FNBP1: variants seen among roughly 807,000 people sequenced by gnomAD.
FNBP1 encodes the protein formin-binding protein 1.
Under a neutral mutation model 90.6 loss-of-function variants are expected in FNBP1, and 26 were observed. The ratio of observed to expected loss-of-function variants is 0.29; its 90% CI spans 0.21 to 0.40. The LOEUF is 0.40. Among genes scored for constraint, FNBP1 ranks in the 10% least tolerant of loss-of-function variants. The pLI is 1.00. For synonymous variants in FNBP1, 260 were observed against 265.2 expected, an observed-to-expected ratio of 0.98 and a Z score of 0.19; for missense variants, 635 against 768.0, an observed-to-expected ratio of 0.83 and a Z score of 2.05.
intron 1 of FNBP1, among the ~76,000 whole-genome samples, chr9:129,997,478 A>G (rs1037800950): frequency 1.6e-4 from 25 of 152,244 alleles, no homozygotes; most frequent in Non-Finnish European, 2.6e-4. Context: ...AGATTATGTT[A>G]TTTATAAAGT....
chr9:130,042,855 G>T lies in FNBP1; in HGVS notation c.24+97C>A. 2 of 863,184 alleles carry T rather than the reference G, an allele frequency of 2.3e-6. No homozygotes were observed. The highest frequency in any genetic ancestry group is 3.0e-6 in the Non-Finnish European group (2 of 655,804). 53.5% of individuals were successfully genotyped at this position (863,184 alleles called of 1,614,324 possible). On this transcript the variant is annotated intron_variant, in intron 1 of 16. Transcript: ENST00000446176. This position sits in a 1 kb window ranked among gnomAD's most constrained non-coding sequence, Gnocchi z 5.5. ...CGAGGACCCCGACCAGCGCGCCCTC[G>T]CCTCCGCCCAGCAGCGCGGCCCGCG...
intron 1 of FNBP1, among the ~76,000 whole-genome samples, chr9:130,022,225 A>G (rs1160979484): frequency 1.4e-5 from 2 of 147,358 alleles, no homozygotes; most frequent in African/African-American, 2.5e-5. Flanking sequence ...TTTTTTTTTG[A>G]GACGGAGTCT....
intron 11 of FNBP1, among the ~76,000 whole-genome samples, chr9:129,913,107 C>T (rs2039625515): frequency 6.6e-6 from 1 of 152,060 alleles, no homozygotes; most frequent in Non-Finnish European, 1.5e-5. Context: ...ACTCGGGAGG[C>T]TGAATCAGGA....
chr9:129,888,025 C>A lies in FNBP1; in HGVS notation c.*2514G>T. 4.3e-6 allele frequency: 1 copy of A among 232,736 alleles called. No individual in the cohort carries two copies. The highest frequency in any genetic ancestry group is 8.5e-6 in the Non-Finnish European group (1 of 117,702). 14.4% of individuals were successfully genotyped at this position (232,736 alleles called of 1,614,324 possible). A position where few individuals can be genotyped will look rare whatever the true frequency, so the allele number is the denominator to read the frequency against. On this transcript the variant is annotated 3_prime_UTR_variant, in exon 17 of 17. Coordinates refer to ENST00000446176, the MANE Select transcript of FNBP1 (RefSeq NM_015033.3). Reference sequence around the variant, plus strand: ...CTTTTCATGGAGCCACGCAGACTGGCCCGGAAGCAACACCCAGGTTCAACA... The same window carrying A: ...CTTTTCATGGAGCCACGCAGACTGGACCGGAAGCAACACCCAGGTTCAACA...
In FNBP1 at chr9:130,019,618, T is replaced by C. The variant is rs149187042; in HGVS notation, c.24+23334A>G. 3.9e-5 allele frequency among the ~76,000 whole-genome samples: 6 copies of C among 152,314 alleles called. No individual in the cohort carries two copies. In the East Asian group the frequency reaches 1.2e-3, roughly 29 times the overall value. ...AAATTCAAATTTGGCAATAGTTAAC[T>C]GGAAAGAAATAAATGATAACCACTC... On this transcript the variant is annotated intron_variant, in intron 1 of 16. Transcript: ENST00000446176.
intron 1 of FNBP1, among the ~76,000 whole-genome samples, chr9:130,003,795 T>C (rs562115764): frequency 5.5e-5 from 8 of 145,856 alleles, no homozygotes; most frequent in African/African-American, 2.0e-4. Context: ...TGGAGGCAGG[T>C]GCCTGTAGTC....
chr9:129,961,907 C>T (rs1355299375), intron 4 of FNBP1, among the ~76,000 whole-genome samples: 1 of 152,106 alleles, frequency 6.6e-6, no homozygotes, highest in African/African-American at 2.4e-5. Context: ...TAGTATCCTT[C>T]CACACTGTAC....
chr9:130,043,311 C>T (rs934419945), upstream of FNBP1: 1 of 194,472 alleles, frequency 5.1e-6, no homozygotes, highest in Non-Finnish European at 1.0e-5. Context: ...GGCCCCCTCC[C>T]CCGGGCTCCC....
intron 1 of FNBP1, among the ~76,000 whole-genome samples, chr9:130,029,605 G>C (rs948602011): frequency 2.6e-5 from 4 of 152,284 alleles, no homozygotes; most frequent in Non-Finnish European, 4.4e-5. Context: ...AGCAAAAACT[G>C]AGAATGCATG....
At chr9:130,015,546 A>G (rs576694015) in intron 1 of FNBP1, among the ~76,000 whole-genome samples, 46 of 152,354 alleles carry the variant, frequency 3.0e-4, no homozygotes, top group African/African-American at 1.1e-3. Flanking sequence ...TGAACCAATT[A>G]CACACTCACC....
At chr9:130,001,111 T>C (rs2054765319) in intron 1 of FNBP1, among the ~76,000 whole-genome samples, 1 of 152,068 alleles carries the variant, frequency 6.6e-6, no homozygotes, top group Non-Finnish European at 1.5e-5. Context: ...GGCAGGCGGA[T>C]GACAAGGTCA....
chr9:129,888,833 C>T lies in FNBP1; in HGVS notation c.*1706G>A. 2 of 232,676 alleles carry T rather than the reference C, an allele frequency of 8.6e-6. No homozygotes were observed. The highest frequency in any genetic ancestry group is 1.1e-4 in the Admixed American group (2 of 17,768). The allele number at this position is 232,676 out of a possible 1,614,324, so 14.4% of individuals were successfully genotyped here. The stretch of plus-strand genomic sequence containing the variant: ...GTAAAGACAGCCCCATCCCTTGGGA[C>T]CTGTCCTTTCCGTCCCTGTCCCTTT... On this transcript the variant is annotated 3_prime_UTR_variant, in exon 17 of 17. Transcript: ENST00000446176.
upstream of FNBP1, chr9:130,044,930 G>A (rs1004600643): frequency 1.3e-5 from 2 of 151,914 alleles, no homozygotes; most frequent in African/African-American, 4.8e-5. Flanking sequence ...GAGCGAGACT[G>A]TCTCAAAAAA....
rs2034913119 is a variant in FNBP1 at position 129,889,133 on chromosome 9, A to G, written c.*1406T>C. 1 of 222,470 alleles carries G rather than the reference A, an allele frequency of 4.5e-6. No individual in the cohort carries two copies. The highest frequency in any genetic ancestry group is 5.8e-5 in the Admixed American group (1 of 17,366). 13.8% of individuals were successfully genotyped at this position (222,470 alleles called of 1,614,324 possible). ...TAGGGGACCTCAGGTTTTCCTCAAAAACCCACACAGGGAAAGAAACTTGGC... is the reference window on the plus strand; with the variant it reads ...TAGGGGACCTCAGGTTTTCCTCAAAGACCCACACAGGGAAAGAAACTTGGC... On this transcript the variant is annotated 3_prime_UTR_variant, in exon 17 of 17. Coordinates refer to ENST00000446176, the MANE Select transcript of FNBP1 (RefSeq NM_015033.3).
chr9:129,903,063 A>C, intron 12 of FNBP1, 62 bp from the exon 13 acceptor site: 1 of 1,492,316 alleles, frequency 6.7e-7, no homozygotes, highest in South Asian at 1.2e-5. Flanking sequence ...AGACAGTTTC[A>C]CTCTTGTCAC....
intron 11 of FNBP1, chr9:129,914,791 A>ATATATATATATATC (rs1385776721): frequency 6.3e-6 from 1 of 159,546 alleles, no homozygotes; most frequent in South Asian, 1.6e-4. Context: ...ATATATATAT[A>ATATATATATATATC]TATCTCACCA....
chr9:129,981,050 C>CAAA (rs71385498), intron 2 of FNBP1, among the ~76,000 whole-genome samples: 1 of 120,500 alleles, frequency 8.3e-6, no homozygotes, highest in Non-Finnish European at 1.7e-5. Flanking sequence ...GACTCCGTCT[C>CAAA]AAAAAAAAAA....
intron 1 of FNBP1, among the ~76,000 whole-genome samples, chr9:130,021,241 T>C (rs2057801237): frequency 6.6e-6 from 1 of 152,118 alleles, no homozygotes; most frequent in Admixed American, 6.6e-5. Flanking sequence ...CCTAAATCAG[T>C]GCCTGGCACA....
At chr9:129,959,988 T>C (rs2047542894) in intron 4 of FNBP1, among the ~76,000 whole-genome samples, 1 of 152,180 alleles carries the variant, frequency 6.6e-6, no homozygotes, top group Non-Finnish European at 1.5e-5. Flanking sequence ...CATTGTCACA[T>C]GTATCAGTAC....
Sources: gnomAD v4.1 joint callset for allele counts (sites outside exome capture counted in the v4.1 genomes callset) on GRCh38, gnomAD v4.1.1 for gene constraint, Gnocchi (gnomAD v3.1) non-coding constraint, MANE v1.5 for transcripts, NCBI Gene and HGNC (gene_info 2026-07-23, HGNC 2026-07-21) for gene names.